KALRN: variants seen among roughly 807,000 people sequenced by gnomAD.
KALRN encodes kalirin.
KALRN carries 70 observed loss-of-function variants against 353.7 expected under a neutral mutation model. The ratio of observed to expected loss-of-function variants is 0.20; its 90% CI spans 0.16 to 0.24. KALRN has a LOEUF of 0.24. Among genes scored for constraint, KALRN ranks in the 10% least tolerant of loss-of-function variants. The pLI, the probability that KALRN is intolerant of heterozygous loss-of-function variation, is 1.00. For missense variants in KALRN, 2,791 were observed against 3,756.7 expected, an observed-to-expected ratio of 0.74 and a Z score of 6.72; for synonymous variants, 1,391 against 1,434.8, an observed-to-expected ratio of 0.97 and a Z score of 0.69.
At chr3:124,134,679 G>GA (rs1461522831) in intron 1 of KALRN, among the ~76,000 whole-genome samples, 1 of 151,932 alleles carries the variant, frequency 6.6e-6, no homozygotes, top group East Asian at 1.9e-4. Flanking sequence ...AAATCAGTAA[G>GA]AAAAAAACAA....
At position 124,676,821 on chromosome 3, in the gene KALRN, G is replaced by C. The variant is rs2087243785; in HGVS notation, c.7194-1369G>C. 3.3e-5 allele frequency among the ~76,000 whole-genome samples: 5 copies of C among 152,312 alleles called. No homozygotes were observed. The South Asian group carries it at 1.0e-3, about 32-fold the overall frequency. On this transcript the variant is annotated intron_variant, in intron 49 of 59. Coordinates refer to ENST00000682506, the MANE Select transcript of KALRN (RefSeq NM_001388419.1). ...AACAGGCTGATGCCATCTAAGATTA[G>C]CTTCTATGGCTGGTTCTCACTTATA...
chr3:124,355,542 A>G (rs2083291567), intron 10 of KALRN, among the ~76,000 whole-genome samples: 1 of 152,050 alleles, frequency 6.6e-6, no homozygotes, highest in Non-Finnish European at 1.5e-5. Context: ...TAGTGAAGCC[A>G]ATTTTAGCTT....
chr3:124,657,723 T>G lies in KALRN; in HGVS notation c.5967-11T>G. ...TGTGGCTTCCTTCTCTTATCCCCTT[T>G]CTCCTTTTAGTTTTTTCCTGGCGGA... On this transcript the variant is annotated splice_polypyrimidine_tract_variant and intron_variant, in intron 40 of 59. Coordinates refer to ENST00000682506, the MANE Select transcript of KALRN (RefSeq NM_001388419.1). 1 of 1,605,542 alleles carries G rather than the reference T, an allele frequency of 6.2e-7. No individual in the cohort carries two copies. The highest frequency in any genetic ancestry group is 1.3e-5 in the African/African-American group (1 of 74,864).
chr3:124,659,103 C>T (rs1012915193), intron 42 of KALRN, among the ~76,000 whole-genome samples: 7 of 152,074 alleles, frequency 4.6e-5, no homozygotes, highest in Non-Finnish European at 8.8e-5. Context: ...GCTTTTCTCC[C>T]AGGACTGGGA....
chr3:124,094,162 T>C (rs1304524463), intron 1 of KALRN: 1 of 153,318 alleles, frequency 6.5e-6, no homozygotes, highest in Non-Finnish European at 1.5e-5. Flanking sequence ...AAGTATTAAG[T>C]GGCAACCAGG....
In KALRN at chr3:124,326,030, T is replaced by A; in HGVS notation, c.1143T>A (p.Ser381=). Residue 381 remains serine, a synonymous_variant, in exon 7 of 60, where the codon TCT becomes TCA. Transcript: ENST00000682506. ...TCATGTCCGTGGCTTCCCGCCTCTC[T>A]GAGGCCGGTCATTATGCCTCACAAC... The part of the protein sequence containing the change: ...NRIMSVASRL[S]EAGHYASQQI... 6.2e-7 allele frequency: 1 copy of A among 1,613,758 alleles called. No homozygotes were observed. The highest frequency in any genetic ancestry group is 8.5e-7 in the Non-Finnish European group (1 of 1,179,782).
intron 6 of KALRN, among the ~76,000 whole-genome samples, chr3:124,307,684 A>C (rs2077837894): frequency 6.6e-6 from 1 of 151,996 alleles, no homozygotes; most frequent in Admixed American, 6.6e-5. Context: ...CAAAATACTC[A>C]CTTATGCAAA....
chr3:124,274,335 T>A (rs2074472754), intron 5 of KALRN, among the ~76,000 whole-genome samples: 1 of 152,242 alleles, frequency 6.6e-6, no homozygotes, highest in Non-Finnish European at 1.5e-5. Context: ...ATCTGCCTTC[T>A]GATGTGGGGA....
At chr3:124,664,159 T>C (rs1350733008) in intron 45 of KALRN, among the ~76,000 whole-genome samples, 2 of 152,196 alleles carry the variant, frequency 1.3e-5, no homozygotes, top group Non-Finnish European at 2.9e-5. Flanking sequence ...GAGGCTATAC[T>C]GGACAAACCA....
intron 32 of KALRN, among the ~76,000 whole-genome samples, chr3:124,496,012 T>TATACAC (rs1345047394): frequency 2.5e-4 from 11 of 43,694 alleles, no homozygotes; most frequent in African/African-American, 4.8e-4. Context: ...TATATATATA[T>TATACAC]ACACACACAT....
intron 34 of KALRN, among the ~76,000 whole-genome samples, chr3:124,568,228 G>A (rs2073089460): frequency 6.6e-6 from 1 of 152,154 alleles, no homozygotes; most frequent in African/African-American, 2.4e-5. Flanking sequence ...ATATACAAGT[G>A]ACCAATAAGT....
chr3:124,558,353 C>T (rs1487870732), intron 33 of KALRN, among the ~76,000 whole-genome samples: 1 of 152,128 alleles, frequency 6.6e-6, no homozygotes, highest in Non-Finnish European at 1.5e-5. Context: ...TCTCGGCTCA[C>T]TGCAACCTCT....
intron 3 of KALRN, among the ~76,000 whole-genome samples, chr3:124,242,358 G>A (rs981103392): frequency 1.3e-5 from 2 of 152,326 alleles, no homozygotes; most frequent in African/African-American, 2.4e-5. Flanking sequence ...AAACTGAGAC[G>A]TAGAGAGATG....
At chr3:124,497,003 G>A (rs1319227800) in intron 33 of KALRN, among the ~76,000 whole-genome samples, 9 of 152,196 alleles carry the variant, frequency 5.9e-5, no homozygotes, top group Non-Finnish European at 4.4e-5. Flanking sequence ...AGTGGTATAC[G>A]AAGGGTGTAG....
At chr3:124,584,904 G>C in intron 34 of KALRN, 3 of 1,601,114 alleles carry the variant, frequency 1.9e-6, no homozygotes, top group Non-Finnish European at 2.6e-6. Context: ...TTCCCGTGTA[G>C]AGGTGAGTGG....
chr3:124,039,819 C>T (rs989195325), intron 1 of KALRN, among the ~76,000 whole-genome samples: 20 of 151,944 alleles, frequency 1.3e-4, no homozygotes, highest in Admixed American at 3.3e-4. Flanking sequence ...AGAGTGTAAA[C>T]ACGATGCTTA....
intron 1 of KALRN, among the ~76,000 whole-genome samples, chr3:124,126,542 A>G (rs2064696923): frequency 6.6e-6 from 1 of 152,206 alleles, no homozygotes; most frequent in South Asian, 2.1e-4. Context: ...CATGTTTTAA[A>G]TCCAAGATGG....
intron 9 of KALRN, among the ~76,000 whole-genome samples, chr3:124,342,328 G>A (rs762678411): frequency 1.3e-5 from 2 of 151,774 alleles, no homozygotes; most frequent in South Asian, 2.1e-4. Flanking sequence ...CTCCCTTTCC[G>A]GTGTCCATTG....
At chr3:124,416,793 G>C (rs2092527507) in intron 14 of KALRN, among the ~76,000 whole-genome samples, 1 of 152,244 alleles carries the variant, frequency 6.6e-6, no homozygotes, top group Admixed American at 6.5e-5. Context: ...GGGATTTATA[G>C]TCTTTGTTTA....
Sources: gnomAD v4.1 joint callset for allele counts (sites outside exome capture counted in the v4.1 genomes callset) on GRCh38, gnomAD v4.1.1 for gene constraint, MANE v1.5 for transcripts, NCBI Gene and HGNC (gene_info 2026-07-23, HGNC 2026-07-21) for gene names.